MOV10L1: variants seen among roughly 807,000 people sequenced by gnomAD.
MOV10L1 encodes RNA helicase Mov10l1.
A neutral mutation model predicts 143.8 loss-of-function variants in MOV10L1; 110 were observed. That is an observed-to-expected ratio of 0.76 (90% CI 0.66 to 0.90). MOV10L1 has a LOEUF of 0.90. MOV10L1 is among the 40% of genes least tolerant of loss of function. The pLI, the probability that MOV10L1 is intolerant of heterozygous loss-of-function variation, is 0.00. For synonymous variants in MOV10L1, 593 were observed against 581.1 expected (o/e 1.02, Z -0.29); for missense variants, 1,406 against 1,526.8 (o/e 0.92, Z 1.32).
intron 2 of MOV10L1, among the ~76,000 whole-genome samples, chr22:50,098,772 G>A (rs1293053280): frequency 6.6e-6 from 1 of 152,184 alleles, no homozygotes; most frequent in Non-Finnish European, 1.5e-5. Flanking sequence ...AAAGCTTTCG[G>A]CCTTTCACCA....
intron 15 of MOV10L1, among the ~76,000 whole-genome samples, chr22:50,135,628 G>T (rs2062803551): frequency 6.6e-6 from 1 of 151,510 alleles, no homozygotes; most frequent in East Asian, 2.0e-4. Flanking sequence ...GTGTACACCT[G>T]TAATCCCAGC....
chr22:50,117,288 A>G lies in MOV10L1; in HGVS notation c.1391A>G (p.Lys464Arg), dbSNP rs1019199042. The G allele has an allele frequency of 3.1e-6, 5 of 1,614,036 alleles. No individual in the cohort carries two copies. In the African/African-American group the frequency reaches 5.3e-5, roughly 17 times the overall value. The change falls in exon 9 of 27, where the codon AAG becomes AGG. Residue 464 changes from lysine (K) to arginine (R), a missense_variant. Lys to Arg is a conservative substitution (Grantham distance 26). Around this residue, in one of 3 missense-constraint regions of MOV10L1, gnomAD observed 1,233 missense variants for 1,351.4 expected, o/e 0.91. Coordinates refer to ENST00000262794, the MANE Select transcript of MOV10L1 (RefSeq NM_018995.3). Reference sequence around the variant, plus strand: ...GCGCGCGAACCATTTTCTTGGAAAAAGCTTAAAAGTTCACAAGCGTTAACA... The same window carrying G: ...GCGCGCGAACCATTTTCTTGGAAAAGGCTTAAAAGTTCACAAGCGTTAACA... ...IAAREPFSWK[K>R]LKSSQALTSA...
At chr22:50,131,937 G>T (rs9617093) in intron 13 of MOV10L1, among the ~76,000 whole-genome samples, 34,146 of 152,062 alleles carry the variant, frequency 0.22, 4,191 homozygotes, top group Admixed American at 0.35. Flanking sequence ...AGGTCAGGAA[G>T]CCCAAGGTCA....
chr22:50,117,243 G>T lies in MOV10L1; in HGVS notation c.1346G>T (p.Gly449Val), dbSNP rs1291615507. ...GRYLEVNVISGEESLIAAREP... is the reference protein window; with the variant it reads ...GRYLEVNVISVEESLIAAREP... ...TACCTTGAAGTAAATGTTATCAGTG[G>T]GGAGGAGTCACTAATTGCTGCGCGC... is the stretch of plus-strand genomic sequence containing the variant. Residue 449 changes from glycine (G) to valine (V), a missense_variant, in exon 9 of 27, where the codon GGG becomes GTG. By Grantham distance (109) the Gly-to-Val change is moderately radical. This residue lies in a region of MOV10L1 where 1,233 missense variants were observed against 1,351.4 expected (regional missense o/e 0.91). Transcript: ENST00000262794. 2 of 1,613,884 alleles carry T rather than the reference G, an allele frequency of 1.2e-6. No homozygotes were observed. Among genetic ancestry groups the T allele is most frequent in the African/African-American group, 1.3e-5 (1 of 74,836 alleles).
chr22:50,116,084 AT>A (rs1454507767), intron 8 of MOV10L1, among the ~76,000 whole-genome samples: 3 of 152,142 alleles, frequency 2.0e-5, no homozygotes, highest in Admixed American at 6.5e-5. Context: ...TGGGTGTCTA[AT>A]TCTAAATTTT....
intron 6 of MOV10L1, 21 bp from the exon 7 acceptor site, chr22:50,114,360 T>C (rs1181825682): frequency 1.2e-6 from 2 of 1,610,526 alleles, no homozygotes; most frequent in Non-Finnish European, 1.7e-6. Context: ...GCTGTGTTCA[T>C]AGTTAATTGT....
intron 13 of MOV10L1, among the ~76,000 whole-genome samples, chr22:50,133,175 G>C (rs899088661): frequency 2.6e-5 from 4 of 152,154 alleles, no homozygotes; most frequent in African/African-American, 9.7e-5. Flanking sequence ...CACTGGCTTT[G>C]TCCCTGGTCT....
chr22:50,113,609 C>G, intron 5 of MOV10L1, 39 bp from the exon 6 acceptor site: 1 of 1,603,436 alleles, frequency 6.2e-7, no homozygotes, highest in Non-Finnish European at 8.5e-7. Flanking sequence ...AGGGGTGGTG[C>G]TGCTGCAGAG....
chr22:50,123,675 A>G (rs1366224800), intron 10 of MOV10L1, among the ~76,000 whole-genome samples: 1 of 152,256 alleles, frequency 6.6e-6, no homozygotes, highest in African/African-American at 2.4e-5. Context: ...TCATAAGAAT[A>G]AGTCAGAGAG....
rs151331484 is a variant in MOV10L1 at position 50,160,915 on chromosome 22, A to ATG, written c.3463-48_3463-47dup. The ATG allele has an allele frequency of 3.5e-3, 5,625 of 1,612,330 alleles. 177 individuals are homozygous for ATG. In the African/African-American group the frequency reaches 0.066, roughly 19 times the overall value. Reference sequence around the variant, plus strand: ...TGAGACGTACGAGGCACCAGGAGACATGGGGCCTTCACTTGCTCTCACACC... The same window carrying ATG: ...TGAGACGTACGAGGCACCAGGAGACATGTGGGGCCTTCACTTGCTCTCACACC... On this transcript the variant is annotated intron_variant, in intron 25 of 26. Coordinates refer to ENST00000262794, the MANE Select transcript of MOV10L1 (RefSeq NM_018995.3).
At chr22:50,105,699 A>T (rs2061849241) in intron 3 of MOV10L1, among the ~76,000 whole-genome samples, 1 of 152,274 alleles carries the variant, frequency 6.6e-6, no homozygotes, top group African/African-American at 2.4e-5. Context: ...AAGGAGCATC[A>T]TCACAGGACC....
intron 22 of MOV10L1, among the ~76,000 whole-genome samples, chr22:50,157,248 T>C (rs901936508): frequency 2.6e-5 from 4 of 151,260 alleles, no homozygotes; most frequent in African/African-American, 9.7e-5. Context: ...TAACTTCTTA[T>C]ATACTATTTG....
chr22:50,120,048 A>G (rs1472800262), intron 9 of MOV10L1, among the ~76,000 whole-genome samples: 2 of 152,216 alleles, frequency 1.3e-5, no homozygotes, highest in Admixed American at 6.5e-5. Context: ...GAGAAACCAC[A>G]GGCTGGGAAA....
Position 50,146,971 on chromosome 22 carries a change from C to T in MOV10L1, c.2627+1161C>T, listed in dbSNP as rs574411227. On this transcript the variant is annotated intron_variant, in intron 19 of 26. Transcript: ENST00000262794. ...TAGCCACTGTGCGGTGCCCGAGAGC[C>T]GTGTGTGGCTACCGGATTGGACAGC... 1.0e-4 allele frequency: 125 copies of T among 1,232,932 alleles called. 1 individual carries two copies. The highest frequency in any genetic ancestry group is 9.9e-4 in the South Asian group (76 of 76,484). The allele number at this position is 1,232,932 out of a possible 1,614,324, so 76.4% of individuals were successfully genotyped here.
chr22:50,108,611 G>A (rs368866894), intron 4 of MOV10L1, 46 bp from the exon 5 acceptor site: 29 of 1,603,416 alleles, frequency 1.8e-5, no homozygotes, highest in East Asian at 4.5e-5. Flanking sequence ...GCGCCCTGTC[G>A]TCATGCAGCA....
rs1037627130 is a variant in MOV10L1 at position 50,160,721 on chromosome 22, C to T, written c.3358C>T (p.Arg1120Ter). Residue 1120 changes from arginine (R) to a stop codon, truncating the protein, a stop_gained, in exon 25 of 27, where the codon CGA becomes TGA. Transcript: ENST00000262794. LOFTEE classifies it high-confidence loss of function. Reference sequence around the variant, plus strand: ...AAATGAAGATAGATTTGAAGATGATCGATATTTTTTGGGTTTCTTGTCCAA... The same window carrying T: ...AAATGAAGATAGATTTGAAGATGATTGATATTTTTTGGGTTTCTTGTCCAA... ...RSNEDRFEDD[R>*]YFLGFLSNSK... 7 of 1,614,008 alleles carry T rather than the reference C, an allele frequency of 4.3e-6. No homozygotes were observed. The highest frequency in any genetic ancestry group is 5.9e-6 in the Non-Finnish European group (7 of 1,179,992).
At chr22:50,150,464 C>CT (rs1288589926) in intron 20 of MOV10L1, among the ~76,000 whole-genome samples, 1 of 152,230 alleles carries the variant, frequency 6.6e-6, no homozygotes, top group African/African-American at 2.4e-5. Flanking sequence ...GCTCTTACCA[C>CT]TTTGAGAGAT....
At chr22:50,128,540 CTTTTTT>C in intron 13 of MOV10L1, 33 bp downstream of exon 13, 316 of 485,530 alleles carry the variant, frequency 6.5e-4, no homozygotes, top group Middle Eastern at 2.4e-3. Flanking sequence ...TTTCAAATGT[CTTTTTT>C]TTTTTTTTTT....
chr22:50,132,442 A>G (rs907459211), intron 13 of MOV10L1, among the ~76,000 whole-genome samples: 2 of 152,158 alleles, frequency 1.3e-5, no homozygotes, highest in Admixed American at 1.3e-4. Context: ...AGCCCTTGAA[A>G]AGGGTATGTC....
Sources: gnomAD v4.1 joint callset for allele counts (sites outside exome capture counted in the v4.1 genomes callset) on GRCh38, gnomAD v4.1.1 for gene constraint, gnomAD v4.1.1 regional missense constraint, MANE v1.5 for transcripts, NCBI Gene and HGNC (gene_info 2026-07-23, HGNC 2026-07-21) for gene names.